Variants in METAP2 observed in about 807,000 individuals in gnomAD.
METAP2 encodes methionine aminopeptidase 2.
Under a neutral mutation model 59.4 loss-of-function variants are expected in METAP2, and 25 were observed. The ratio of observed to expected loss-of-function variants is 0.42; its 90% CI spans 0.31 to 0.59. The LOEUF (loss-of-function observed/expected upper bound fraction) is 0.59. Ranked by LOEUF, METAP2 falls within the 20% of genes least tolerant of loss-of-function variation. METAP2 has a pLI of 0.16. For synonymous variants in METAP2, 214 were observed against 194.1 expected (o/e 1.10, Z -0.85); for missense variants, 366 against 581.2 (o/e 0.63, Z 3.81).
chr12:95,492,994 T>C (rs2076250255), intron 4 of METAP2, among the ~76,000 whole-genome samples: 1 of 152,222 alleles, frequency 6.6e-6, no homozygotes, highest in African/African-American at 2.4e-5. Context: ...GGGAGGCAAA[T>C]AGCAATTCCT....
chr12:95,511,315 C>A (rs1356834758), intron 8 of METAP2, among the ~76,000 whole-genome samples: 1 of 149,302 alleles, frequency 6.7e-6, no homozygotes, highest in African/African-American at 2.5e-5. Flanking sequence ...ACAGTACCTC[C>A]TTATACCTCC....
chr12:95,485,921 T>G lies in METAP2; in HGVS notation c.368T>G (p.Leu123Arg). ...CCTCCCTCAGTTCCAATATGTGACC[T>G]GTATCCTAATGGTGTATTTCCCAAA... Reference protein sequence around the residue: ...TDPPSVPICDLYPNGVFPKGQ... With the variant: ...TDPPSVPICDRYPNGVFPKGQ... Residue 123 changes from leucine (L) to arginine (R), a missense_variant, in exon 4 of 11, where the codon CTG becomes CGG. Leu to Arg is a moderately radical substitution (Grantham distance 102). Coordinates refer to ENST00000323666, the MANE Select transcript of METAP2 (RefSeq NM_006838.4). 1 of 1,592,474 alleles carries G rather than the reference T, an allele frequency of 6.3e-7. No homozygotes were observed. Among genetic ancestry groups the G allele is most frequent in the Non-Finnish European group, 8.5e-7 (1 of 1,172,152 alleles).
In METAP2 at chr12:95,514,683, C is replaced by G. The variant is rs199715421; in HGVS notation, c.*779C>G. On this transcript the variant is annotated 3_prime_UTR_variant, in exon 11 of 11. Transcript: ENST00000323666. ...TTAGTAAAAATCTCAATGTTTAGATCCTTTGTCCAGTGGTGGTGTTTATCA... is the reference window on the plus strand; with the variant it reads ...TTAGTAAAAATCTCAATGTTTAGATGCTTTGTCCAGTGGTGGTGTTTATCA... The G allele has an allele frequency of 2.6e-5, 4 of 152,036 alleles. No homozygotes were observed. Among genetic ancestry groups the G allele is most frequent in the Admixed American group, 6.6e-5 (1 of 15,244 alleles). 9.4% of individuals were successfully genotyped at this position (152,036 alleles called of 1,614,324 possible).
At chr12:95,487,177 C>A (rs748184240) in intron 4 of METAP2, among the ~76,000 whole-genome samples, 2 of 152,136 alleles carry the variant, frequency 1.3e-5, no homozygotes, top group African/African-American at 2.4e-5. Context: ...ACCTGTCACC[C>A]ACAATATTTA....
chr12:95,509,393 CAG>C lies in METAP2; in HGVS notation c.965-2499_965-2498del, dbSNP rs543951800. Among the ~76,000 whole-genome samples, 1,333 of 152,214 alleles carry C rather than the reference CAG, an allele frequency of 8.8e-3. 11 individuals carry two copies. Among genetic ancestry groups the C allele is most frequent in the Non-Finnish European group, 0.014 (964 of 68,008 alleles). ...TGCATATTCAGGGAGGTAAGGAAGA[CAG>C]AGGTTTTTGAAGACGAAAATGAGGA... is the stretch of plus-strand genomic sequence containing the variant. On this transcript the variant is annotated intron_variant, in intron 8 of 10. Transcript: ENST00000323666.
intron 2 of METAP2, chr12:95,482,019 A>G (rs1357465964): frequency 1.1e-5 from 4 of 361,230 alleles, no homozygotes; most frequent in Non-Finnish European, 2.3e-5. Flanking sequence ...AGTGCACGAT[A>G]TGTGAATTAG....
intron 2 of METAP2, among the ~76,000 whole-genome samples, chr12:95,482,616 TA>T (rs55652210): frequency 0.55 from 71,575 of 130,068 alleles, 19,198 homozygotes; most frequent in East Asian, 0.72. Flanking sequence ...CCATCTCTAC[TA>T]AAAAAAAAAA....
At chr12:95,480,877 G>A (rs764126559) in intron 2 of METAP2, among the ~76,000 whole-genome samples, 17 of 152,242 alleles carry the variant, frequency 1.1e-4, no homozygotes, top group Non-Finnish European at 2.2e-4. Flanking sequence ...TTAAATTTAT[G>A]GGTAGTGCTT....
chr12:95,503,181 G>C (rs1210727982), intron 7 of METAP2, among the ~76,000 whole-genome samples: 1 of 151,990 alleles, frequency 6.6e-6, no homozygotes, highest in Non-Finnish European at 1.5e-5. Context: ...CTGAAAATCA[G>C]ATATTCCCCC....
chr12:95,476,249 G>A (rs2076117662), intron 2 of METAP2, 71 bp downstream of exon 2: 2 of 970,394 alleles, frequency 2.1e-6, no homozygotes, highest in South Asian at 1.6e-5. Flanking sequence ...GCACACACCT[G>A]TAATCCCAGC....
Position 95,474,305 on chromosome 12 carries a change from G to A in METAP2, c.126G>A (p.Lys42=), listed in dbSNP as rs202193620. 8.6e-5 allele frequency: 139 copies of A among 1,614,078 alleles called. No individual in the cohort carries two copies. The highest frequency in any genetic ancestry group is 5.0e-5 in the Admixed American group (3 of 60,004). Residue 42 remains lysine, a synonymous_variant, in exon 1 of 11, where the codon AAG becomes AAA. Transcript: ENST00000323666. ...CAGCCAAGAAAAAAAGACGAAAGAA[G>A]AAGAAGAGCAAAGGGCCTTCTGCAG... ...EEAAKKKRRK[K]KKSKGPSAAG...
chr12:95,496,402 A>G (rs1233258584), intron 7 of METAP2, among the ~76,000 whole-genome samples: 1 of 152,088 alleles, frequency 6.6e-6, no homozygotes, highest in African/African-American at 2.4e-5. Flanking sequence ...TTTTAGAACA[A>G]TTTTAGGTTC....
chr12:95,483,027 G>A (rs951392909), intron 2 of METAP2, among the ~76,000 whole-genome samples, 188 bp from the exon 3 acceptor site: 2 of 152,140 alleles, frequency 1.3e-5, no homozygotes, highest in Non-Finnish European at 2.9e-5. Context: ...GGGACTATAG[G>A]CATGTGCCAC....
chr12:95,474,437 T>C, intron 1 of METAP2, 107 bp downstream of exon 1: 2 of 1,238,658 alleles, frequency 1.6e-6, no homozygotes, highest in Non-Finnish European at 2.2e-6. Context: ...CCGACTAGAC[T>C]GATTCTTGGG....
At chr12:95,477,663 T>G (rs1346988714) in intron 2 of METAP2, among the ~76,000 whole-genome samples, 2 of 152,348 alleles carry the variant, frequency 1.3e-5, no homozygotes, top group East Asian at 1.9e-4. Context: ...TGCCTACTAC[T>G]GAGAACATCT....
intron 9 of METAP2, 37 bp downstream of exon 9, chr12:95,512,035 C>A: frequency 3.4e-6 from 5 of 1,456,990 alleles, no homozygotes; most frequent in Non-Finnish European, 4.8e-6. Flanking sequence ...CCATGGAAGA[C>A]ATTTTTTTCT....
chr12:95,486,571 C>T (rs945558887), intron 4 of METAP2, among the ~76,000 whole-genome samples: 7 of 151,720 alleles, frequency 4.6e-5, no homozygotes, highest in Admixed American at 3.3e-4. Flanking sequence ...GATCTCGGCT[C>T]ACTGCAACCT....
chr12:95,495,901 T>C, intron 6 of METAP2, 103 bp from the exon 7 acceptor site: 1 of 704,674 alleles, frequency 1.4e-6, no homozygotes. Context: ...GAGCCTTCAT[T>C]CTATTTTTCT....
chr12:95,507,732 G>A lies in METAP2; in HGVS notation c.964+3571G>A, dbSNP rs983740751. On this transcript the variant is annotated intron_variant, in intron 8 of 10. Transcript: ENST00000323666. ...TCTCAGTGTGAAAGCACATGTGGAG[G>A]AGAATAAAAATCATAGCATTAGATA... Among the ~76,000 whole-genome samples the A allele has an allele frequency of 2.6e-4, 39 of 151,814 alleles. 1 individual carries two copies. Among genetic ancestry groups the A allele is most frequent in the Admixed American group, 2.3e-3 (35 of 15,254 alleles).
Sources: gnomAD v4.1 joint callset for allele counts (sites outside exome capture counted in the v4.1 genomes callset) on GRCh38, gnomAD v4.1.1 for gene constraint, MANE v1.5 for transcripts, NCBI Gene and HGNC (gene_info 2026-07-23, HGNC 2026-07-21) for gene names.